The following DTNA variants were observed in gnomAD, a reference collection of about 807,000 sequenced individuals.
DTNA encodes dystrophin-related protein 3.
DTNA carries 43 observed loss-of-function variants against 100.7 expected under a neutral mutation model. The observed-to-expected ratio is 0.43, with a 90% CI of 0.33 to 0.55. The LOEUF is 0.55. DTNA is among the 20% of genes least tolerant of loss of function. DTNA has a pLI of 0.04. For missense variants in DTNA, 798 were observed against 953.9 expected (o/e 0.84, Z 2.15); for synonymous variants, 349 against 347.9 (o/e 1.00, Z -0.04).
chr18:34,532,481 A>G (rs553487834), intron 1 of DTNA, among the ~76,000 whole-genome samples: 4 of 152,222 alleles, frequency 2.6e-5, no homozygotes, highest in South Asian at 4.1e-4. Context: ...CCAGATTGCA[A>G]CTGCAGAATT....
rs77215940 is a variant in DTNA at position 34,704,008 on chromosome 18, G to A, written c.-1-51968G>A. 4.5e-3 allele frequency among the ~76,000 whole-genome samples: 688 copies of A among 151,880 alleles called. 6 individuals are homozygous for A. The highest frequency in any genetic ancestry group is 0.015 in the African/African-American group (638 of 41,414). ...CTTTTCAAACTGTTTCTTAATCTTTGTTTTACCATAATAATTTATTCTACA... is the reference window on the plus strand; with the variant it reads ...CTTTTCAAACTGTTTCTTAATCTTTATTTTACCATAATAATTTATTCTACA... On this transcript the variant is annotated intron_variant, in intron 1 of 19. Coordinates refer to the DTNA transcript ENST00000283365.
chr18:34,874,987 A>G (rs2096800852), intron 17 of DTNA, among the ~76,000 whole-genome samples: 1 of 152,242 alleles, frequency 6.6e-6, no homozygotes, highest in South Asian at 2.1e-4. Flanking sequence ...CACATGTCCC[A>G]TATACTGTAG....
In DTNA at chr18:34,890,321, A is replaced by G; in HGVS notation, c.*2587A>G. The G allele has an allele frequency of 3.3e-6, 5 of 1,536,090 alleles. No homozygotes were observed. The highest frequency in any genetic ancestry group is 4.4e-6 in the Non-Finnish European group (5 of 1,146,890). ...TTAGCTCCACGTCAGCACTGAGACCAGACTCGAGCACCCCTGTCCTGTAAG... is the reference window on the plus strand; with the variant it reads ...TTAGCTCCACGTCAGCACTGAGACCGGACTCGAGCACCCCTGTCCTGTAAG... On this transcript the variant is annotated 3_prime_UTR_variant, in exon 23 of 23. Coordinates refer to ENST00000444659, the MANE Select transcript of DTNA (RefSeq NM_001386795.1).
At chr18:34,848,148 T>A (rs897713271) in intron 13 of DTNA, 148 bp from the exon 14 acceptor site, 6 of 736,680 alleles carry the variant, frequency 8.1e-6, no homozygotes, top group South Asian at 3.0e-5. Flanking sequence ...CAAATTCAAG[T>A]CTGAGATTGT....
intron 11 of DTNA, among the ~76,000 whole-genome samples, chr18:34,830,571 T>A (rs1422243348): frequency 1.3e-5 from 2 of 152,188 alleles, no homozygotes; most frequent in Non-Finnish European, 2.9e-5. Flanking sequence ...TGTTCTTACA[T>A]CTTTTCTAGC....
intron 1 of DTNA, among the ~76,000 whole-genome samples, chr18:34,504,717 C>A (rs112833618): frequency 0.02 from 2,975 of 152,224 alleles, 36 homozygotes; most frequent in Non-Finnish European, 0.03. Context: ...AATGGATTTT[C>A]TTCTTTGGTA....
intron 1 of DTNA, among the ~76,000 whole-genome samples, chr18:34,633,311 T>A (rs1479737781): frequency 6.6e-6 from 1 of 152,132 alleles, no homozygotes; most frequent in Non-Finnish European, 1.5e-5. Flanking sequence ...GTAATTAATG[T>A]CAAAGCTATG....
At chr18:34,529,616 G>A (rs886490502) in intron 1 of DTNA, among the ~76,000 whole-genome samples, 2 of 152,186 alleles carry the variant, frequency 1.3e-5, no homozygotes, top group East Asian at 1.9e-4. Flanking sequence ...TGATAGAGAC[G>A]TTTTCCCCAT....
chr18:34,710,598 C>A (rs767809690), intron 1 of DTNA, among the ~76,000 whole-genome samples, 153 bp downstream of exon 1: 1 of 151,756 alleles, frequency 6.6e-6, no homozygotes, highest in African/African-American at 2.4e-5. Flanking sequence ...CCTCCACCTC[C>A]GGTTTCAGCT....
chr18:34,673,780 C>T (rs2077063660), intron 1 of DTNA, among the ~76,000 whole-genome samples: 1 of 152,160 alleles, frequency 6.6e-6, no homozygotes, highest in Non-Finnish European at 1.5e-5. Context: ...ATTGTTCTCT[C>T]TGCTTTATCT....
chr18:34,805,995 A>T (rs1047268458), intron 4 of DTNA, among the ~76,000 whole-genome samples: 1 of 152,340 alleles, frequency 6.6e-6, no homozygotes, highest in African/African-American at 2.4e-5. Context: ...AGAGATTCTG[A>T]TGTCTCTTAA....
chr18:34,711,902 G>A (rs540724531), intron 1 of DTNA, among the ~76,000 whole-genome samples: 4 of 152,118 alleles, frequency 2.6e-5, no homozygotes, highest in Non-Finnish European at 5.9e-5. Context: ...GTTCATGCTT[G>A]TATCTGAATT....
intron 14 of DTNA, among the ~76,000 whole-genome samples, chr18:34,849,611 G>A (rs2096444595): frequency 6.6e-6 from 1 of 152,222 alleles, no homozygotes; most frequent in Non-Finnish European, 1.5e-5. Context: ...ATGGCAGCCT[G>A]CAGACCAAAT....
At chr18:34,729,768 CA>C (rs2087637411) in intron 1 of DTNA, among the ~76,000 whole-genome samples, 1 of 152,022 alleles carries the variant, frequency 6.6e-6, no homozygotes. Context: ...ATGGGAAATT[CA>C]AGGTGGAAAG....
intron 1 of DTNA, among the ~76,000 whole-genome samples, chr18:34,544,741 G>T (rs949046606): frequency 6.6e-6 from 1 of 151,652 alleles, no homozygotes; most frequent in Non-Finnish European, 1.5e-5. Flanking sequence ...CTCGCAGTGT[G>T]TGTTTGGCTA....
intron 1 of DTNA, among the ~76,000 whole-genome samples, chr18:34,524,997 T>G (rs2042480292): frequency 6.6e-6 from 1 of 152,188 alleles, no homozygotes; most frequent in African/African-American, 2.4e-5. Flanking sequence ...TCCTTAATTC[T>G]GCTTTGAGAT....
chr18:34,723,948 A>ATCC (rs2085987573), intron 1 of DTNA, among the ~76,000 whole-genome samples: 1 of 152,108 alleles, frequency 6.6e-6, no homozygotes, highest in Non-Finnish European at 1.5e-5. Context: ...AAAATATTAA[A>ATCC]CTTCACTCTT....
At chr18:34,821,129 A>G in intron 9 of DTNA, 1 of 699,956 alleles carries the variant, frequency 1.4e-6, no homozygotes, top group Non-Finnish European at 2.6e-6. Context: ...CAACACTAAC[A>G]TAATTCACCT....
chr18:34,526,678 T>G (rs1302797016), intron 1 of DTNA, among the ~76,000 whole-genome samples: 1 of 151,916 alleles, frequency 6.6e-6, no homozygotes, highest in Non-Finnish European at 1.5e-5. Flanking sequence ...ATAGAGGGAG[T>G]CAGTCTTATG....
Sources: allele counts gnomAD v4.1 joint callset (sites outside exome capture counted in the v4.1 genomes callset), GRCh38; gene constraint gnomAD v4.1.1; transcripts MANE v1.5; gene names NCBI Gene and HGNC (gene_info 2026-07-23, HGNC 2026-07-21).